Variants in RBMS1 observed in about 807,000 individuals in gnomAD.
The protein encoded by RBMS1 is RNA-binding motif, single-stranded-interacting protein 1.
RBMS1 carries 17 observed loss-of-function variants against 62.3 expected under a neutral mutation model. The observed-to-expected ratio is 0.27, with a 90% CI of 0.19 to 0.41. The LOEUF is 0.41. RBMS1 is among the 10% of genes least tolerant of loss of function. The pLI is 1.00. For synonymous variants in RBMS1, 172 were observed against 170.0 expected, an observed-to-expected ratio of 1.01 and a Z score of -0.09; for missense variants, 334 against 504.5, an observed-to-expected ratio of 0.66 and a Z score of 3.24.
intron 1 of RBMS1, among the ~76,000 whole-genome samples, chr2:160,450,587 CATT>C (rs1362671490): frequency 2.2e-5 from 2 of 89,700 alleles, no homozygotes; most frequent in African/African-American, 7.3e-5. Context: ...AAACAAAAAA[CATT>C]AACCCAGTTT....
At chr2:160,317,987 C>T (rs1452775894) in intron 3 of RBMS1, among the ~76,000 whole-genome samples, 182 bp downstream of exon 3, 2 of 152,066 alleles carry the variant, frequency 1.3e-5, no homozygotes, top group Non-Finnish European at 2.9e-5. Context: ...GGGTTTGTAG[C>T]CAAAACCCAA....
chr2:160,324,383 C>G (rs1690768629), intron 2 of RBMS1, among the ~76,000 whole-genome samples: 1 of 152,130 alleles, frequency 6.6e-6, no homozygotes, highest in Non-Finnish European at 1.5e-5. Context: ...CAGATGGCGA[C>G]AATGGTTGTT....
chr2:160,299,342 T>C (rs1689095322), intron 6 of RBMS1, among the ~76,000 whole-genome samples: 1 of 152,194 alleles, frequency 6.6e-6, no homozygotes, highest in Admixed American at 6.5e-5. Flanking sequence ...ATGAAGTAAT[T>C]CATAGTTTTT....
chr2:160,325,667 T>C (rs1481506898), intron 2 of RBMS1, among the ~76,000 whole-genome samples: 1 of 152,156 alleles, frequency 6.6e-6, no homozygotes, highest in Non-Finnish European at 1.5e-5. Flanking sequence ...AAGTATACAT[T>C]ACGTCTGTTT....
chr2:160,468,233 C>T (rs1168346144), intron 1 of RBMS1, among the ~76,000 whole-genome samples: 2 of 152,150 alleles, frequency 1.3e-5, no homozygotes, highest in Admixed American at 6.5e-5. Context: ...CTGGGTCACT[C>T]AACAAATATT....
chr2:160,425,823 T>G (rs1682530872), intron 1 of RBMS1, among the ~76,000 whole-genome samples: 1 of 152,170 alleles, frequency 6.6e-6, no homozygotes. Context: ...GAGATCGGGT[T>G]TCATAACTAA....
intron 2 of RBMS1, among the ~76,000 whole-genome samples, chr2:160,331,072 C>G (rs542249290): frequency 6.6e-6 from 1 of 152,248 alleles, no homozygotes; most frequent in South Asian, 2.1e-4. Flanking sequence ...GGTAACGAAG[C>G]ATGTTCCCCC....
chr2:160,402,165 A>G (rs1032027951), intron 1 of RBMS1: 2 of 152,210 alleles, frequency 1.3e-5, no homozygotes, highest in African/African-American at 4.8e-5. Context: ...AGTGGGCACT[A>G]TTATCTTTAC....
intron 1 of RBMS1, among the ~76,000 whole-genome samples, chr2:160,429,221 T>C (rs1682781490): frequency 6.6e-6 from 1 of 152,218 alleles, no homozygotes; most frequent in Admixed American, 6.5e-5. Flanking sequence ...TAACAGGAAG[T>C]CTCCTTTCTT....
chr2:160,328,636 G>A (rs1466154473), intron 2 of RBMS1, among the ~76,000 whole-genome samples: 1 of 151,998 alleles, frequency 6.6e-6, no homozygotes, highest in Non-Finnish European at 1.5e-5. Context: ...AACTTAAAAT[G>A]GAATTAAAAA....
intron 2 of RBMS1, among the ~76,000 whole-genome samples, chr2:160,336,420 AG>A (rs1341053513): frequency 6.6e-6 from 1 of 152,170 alleles, no homozygotes; most frequent in Non-Finnish European, 1.5e-5. Flanking sequence ...TCTAAGAAAG[AG>A]GGAACAGGAT....
intron 1 of RBMS1, among the ~76,000 whole-genome samples, chr2:160,446,301 T>C (rs1467778192): frequency 6.6e-6 from 1 of 152,208 alleles, no homozygotes; most frequent in African/African-American, 2.4e-5. Flanking sequence ...ACTCATCCTG[T>C]TCATAAACTC....
chr2:160,322,570 G>A (rs1392781917), intron 2 of RBMS1, among the ~76,000 whole-genome samples: 3 of 152,172 alleles, frequency 2.0e-5, no homozygotes, highest in African/African-American at 7.2e-5. Context: ...CATCAGAAAC[G>A]GATTCCACTC....
At chr2:160,295,682 C>T (rs1009655386) in intron 6 of RBMS1, among the ~76,000 whole-genome samples, 2 of 152,150 alleles carry the variant, frequency 1.3e-5, no homozygotes, top group Non-Finnish European at 2.9e-5. Flanking sequence ...AGTCTGCAAA[C>T]CCCCTTCAAA....
intron 1 of RBMS1, among the ~76,000 whole-genome samples, chr2:160,375,025 C>T (rs532082925): frequency 6.6e-6 from 1 of 152,014 alleles, no homozygotes; most frequent in Admixed American, 6.6e-5. Flanking sequence ...GAGTATTATC[C>T]CTGGAAGGCT....
chr2:160,305,623 C>T (rs540100158), intron 4 of RBMS1, among the ~76,000 whole-genome samples: 11 of 151,966 alleles, frequency 7.2e-5, no homozygotes, highest in Admixed American at 3.3e-4. Context: ...TGGTAGGTGA[C>T]GGGGAAACAG....
chr2:160,378,003 A>G (rs1431650980), intron 1 of RBMS1, among the ~76,000 whole-genome samples: 1 of 152,210 alleles, frequency 6.6e-6, no homozygotes, highest in African/African-American at 2.4e-5. Flanking sequence ...AGTAAAATTG[A>G]TATGCTAGAC....
intron 1 of RBMS1, among the ~76,000 whole-genome samples, chr2:160,435,790 T>G (rs1313073772): frequency 2.6e-5 from 4 of 152,250 alleles, no homozygotes; most frequent in Non-Finnish European, 5.9e-5. Context: ...TGTATTAATC[T>G]TCTTTGCCTA....
chr2:160,324,220 T>C (rs1265007576), intron 2 of RBMS1, among the ~76,000 whole-genome samples: 2 of 152,180 alleles, frequency 1.3e-5, no homozygotes, highest in Admixed American at 6.5e-5. Flanking sequence ...CACGTACAAA[T>C]GTATAAACGT....
Sources: gnomAD v4.1 joint callset for allele counts (sites outside exome capture counted in the v4.1 genomes callset) on GRCh38, gnomAD v4.1.1 for gene constraint, MANE v1.5 for transcripts, NCBI Gene and HGNC (gene_info 2026-07-23, HGNC 2026-07-21) for gene names.